The following SLC35F1 variants were observed in gnomAD, a reference collection of about 807,000 sequenced individuals.
SLC35F1 encodes the protein chromosome 6 open reading frame 169.
A neutral mutation model predicts 48.7 loss-of-function variants in SLC35F1; 14 were observed. That is an observed-to-expected ratio of 0.29 (90% CI 0.19 to 0.45). SLC35F1 has a LOEUF of 0.45. Among genes scored for constraint, SLC35F1 ranks in the 20% least tolerant of loss-of-function variants. SLC35F1 has a pLI of 1.00. For synonymous variants in SLC35F1, 190 were observed against 202.2 expected (o/e 0.94, Z 0.51); for missense variants, 404 against 500.0 (o/e 0.81, Z 1.83).
intron 4 of SLC35F1, among the ~76,000 whole-genome samples, chr6:118,274,974 A>G (rs1775903132): frequency 6.6e-6 from 1 of 152,188 alleles, no homozygotes; most frequent in African/African-American, 2.4e-5. Flanking sequence ...ACTGCTGGAA[A>G]ATGTCCTGAA....
At chr6:118,241,030 G>GT (rs971070068) in intron 3 of SLC35F1, among the ~76,000 whole-genome samples, 17 of 152,320 alleles carry the variant, frequency 1.1e-4, no homozygotes, top group African/African-American at 4.1e-4. Flanking sequence ...ATTGTGGCTG[G>GT]TATGTGAACA....
chr6:118,184,167 A>C (rs1322944939), intron 2 of SLC35F1, among the ~76,000 whole-genome samples: 1 of 152,160 alleles, frequency 6.6e-6, no homozygotes, highest in Non-Finnish European at 1.5e-5. Context: ...AACATATACT[A>C]TGAGAGTGTC....
intron 1 of SLC35F1, among the ~76,000 whole-genome samples, chr6:118,122,070 T>C (rs1219481580): frequency 6.6e-6 from 1 of 152,174 alleles, no homozygotes. Context: ...ACTCTAGTTT[T>C]ATTTTTAGAG....
chr6:118,006,959 A>T (rs1777181797), intron 1 of SLC35F1, among the ~76,000 whole-genome samples: 1 of 152,024 alleles, frequency 6.6e-6, no homozygotes, highest in South Asian at 2.1e-4. Context: ...CATTTTCTTA[A>T]TTTTTCAGAA....
At chr6:118,184,526 G>C (rs373708629) in intron 2 of SLC35F1, among the ~76,000 whole-genome samples, 40 of 152,304 alleles carry the variant, frequency 2.6e-4, no homozygotes, top group African/African-American at 9.6e-4. Flanking sequence ...CAAAGGACAA[G>C]AGTATTCTGC....
intron 6 of SLC35F1, among the ~76,000 whole-genome samples, chr6:118,281,816 T>A (rs1775988273): frequency 6.6e-6 from 1 of 152,248 alleles, no homozygotes; most frequent in Non-Finnish European, 1.5e-5. Flanking sequence ...TAACCCAGTA[T>A]GGACTGTGTT....
chr6:118,207,764 C>T (rs1298277183), intron 2 of SLC35F1, among the ~76,000 whole-genome samples: 1 of 152,174 alleles, frequency 6.6e-6, no homozygotes, highest in East Asian at 1.9e-4. Flanking sequence ...CTCGGCCCTC[C>T]CCCTCATCTA....
In SLC35F1 at chr6:117,951,370, A is replaced by T. The variant is rs143811982; in HGVS notation, c.173+43471A>T. Among the ~76,000 whole-genome samples the T allele has an allele frequency of 2.5e-3, 378 of 152,338 alleles. 3 individuals are homozygous for T. The highest frequency in any genetic ancestry group is 8.7e-3 in the African/African-American group (360 of 41,572). Reference sequence around the variant, plus strand: ...GTTATGTGTCTTGATAATGGTCTAAACATAAAACTGTCTTGGAGATGGAAA... The same window carrying T: ...GTTATGTGTCTTGATAATGGTCTAATCATAAAACTGTCTTGGAGATGGAAA... On this transcript the variant is annotated intron_variant, in intron 1 of 7. Transcript: ENST00000360388.
At chr6:118,128,047 G>A (rs1381631873) in intron 1 of SLC35F1, among the ~76,000 whole-genome samples, 1 of 149,246 alleles carries the variant, frequency 6.7e-6, no homozygotes, top group Non-Finnish European at 1.5e-5. Flanking sequence ...GCAGCCAAAA[G>A]ACACATGAAA....
intron 1 of SLC35F1, among the ~76,000 whole-genome samples, chr6:118,148,293 T>A (rs1015918654): frequency 6.6e-6 from 1 of 152,234 alleles, no homozygotes; most frequent in African/African-American, 2.4e-5. Flanking sequence ...GCAATATGAT[T>A]ATGTAACACT....
intron 1 of SLC35F1, among the ~76,000 whole-genome samples, chr6:117,925,051 C>T (rs958211358): frequency 1.3e-5 from 2 of 152,230 alleles, no homozygotes; most frequent in South Asian, 2.1e-4. Flanking sequence ...AAGAGAAAAA[C>T]GTAATTGTGT....
chr6:118,224,847 G>A (rs1369908910), intron 2 of SLC35F1, among the ~76,000 whole-genome samples: 2 of 152,106 alleles, frequency 1.3e-5, no homozygotes, highest in African/African-American at 4.8e-5. Context: ...ATCATATCAT[G>A]TGTGTACAAG....
rs148203258 is a variant in SLC35F1 at position 117,929,947 on chromosome 6, C to T, written c.173+22048C>T. Among the ~76,000 whole-genome samples, 268 of 152,240 alleles carry T rather than the reference C, an allele frequency of 1.8e-3. 5 individuals are homozygous for T. In the East Asian group the frequency reaches 0.041, roughly 23 times the overall value. Reference sequence around the variant, plus strand: ...TATCAGCCACTTTGCTAAGTTTTTACGTTTATTTTCCTGCTTAATCCTTTC... The same window carrying T: ...TATCAGCCACTTTGCTAAGTTTTTATGTTTATTTTCCTGCTTAATCCTTTC... On this transcript the variant is annotated intron_variant, in intron 1 of 7. Coordinates refer to ENST00000360388, the MANE Select transcript of SLC35F1 (RefSeq NM_001029858.4).
intron 1 of SLC35F1, among the ~76,000 whole-genome samples, chr6:118,105,830 G>A (rs1040951448): frequency 6.6e-6 from 1 of 152,104 alleles, no homozygotes. Context: ...ATACATCAAA[G>A]GAGATAGTAT....
At chr6:118,186,331 A>G (rs1450133878) in intron 2 of SLC35F1, among the ~76,000 whole-genome samples, 2 of 152,198 alleles carry the variant, frequency 1.3e-5, no homozygotes, top group Admixed American at 6.5e-5. Context: ...TTTCTACTCT[A>G]TGAGAGTAAA....
rs999707603 is a variant in SLC35F1 at position 118,135,020 on chromosome 6, G to C, written c.174-19425G>C. On this transcript the variant is annotated intron_variant, in intron 1 of 7. Transcript: ENST00000360388. Reference sequence around the variant, plus strand: ...GCTAAATCAGTAGATGGAGGAAAAGGTCAAACAGAATTCAAGAACAAGGAC... The same window carrying C: ...GCTAAATCAGTAGATGGAGGAAAAGCTCAAACAGAATTCAAGAACAAGGAC... Among the ~76,000 whole-genome samples, 3 of 152,310 alleles carry C rather than the reference G, an allele frequency of 2.0e-5. No individual in the cohort carries two copies. The East Asian group carries it at 5.8e-4, about 29-fold the overall frequency.
At chr6:118,220,263 G>A (rs1435460251) in intron 2 of SLC35F1, among the ~76,000 whole-genome samples, 3 of 151,996 alleles carry the variant, frequency 2.0e-5, no homozygotes, top group African/African-American at 4.8e-5. Context: ...CAATGCATAA[G>A]GACTGTGTGA....
At chr6:118,245,408 C>T (rs1407379936) in intron 3 of SLC35F1, among the ~76,000 whole-genome samples, 5 of 152,140 alleles carry the variant, frequency 3.3e-5, no homozygotes, top group Non-Finnish European at 7.3e-5. Context: ...GACCTTGTGG[C>T]CTGATGTCGG....
chr6:118,134,235 G>T (rs781626445), intron 1 of SLC35F1, among the ~76,000 whole-genome samples: 8 of 152,234 alleles, frequency 5.3e-5, no homozygotes, highest in Non-Finnish European at 8.8e-5. Flanking sequence ...CTAGGCCTGA[G>T]AGAAGAGTGC....
Sources: gnomAD v4.1 joint callset for allele counts (sites outside exome capture counted in the v4.1 genomes callset) on GRCh38, gnomAD v4.1.1 for gene constraint, MANE v1.5 for transcripts, NCBI Gene and HGNC (gene_info 2026-07-23, HGNC 2026-07-21) for gene names.